Variants in TLE4 observed in about 807,000 individuals in gnomAD.
The protein encoded by TLE4 is TLE family member 4, transcriptional corepressor.
In TLE4, 8 loss-of-function variants were observed where a neutral mutation model predicts 92.8. The ratio of observed to expected loss-of-function variants is 0.09; its 90% CI spans 0.05 to 0.16. The LOEUF (loss-of-function observed/expected upper bound fraction) is 0.16. Ranked by LOEUF, TLE4 falls within the 10% of genes least tolerant of loss-of-function variation. TLE4 has a pLI of 1.00. For synonymous variants in TLE4, 371 were observed against 374.1 expected, an observed-to-expected ratio of 0.99 and a Z score of 0.10; for missense variants, 675 against 997.6, an observed-to-expected ratio of 0.68 and a Z score of 4.36.
In TLE4 at chr9:79,724,069, A is replaced by G. The variant is rs370828269; in HGVS notation, c.2215-968A>G. Among the ~76,000 whole-genome samples, 208 of 152,256 alleles carry G rather than the reference A, an allele frequency of 1.4e-3. 9 individuals are homozygous for G. In the South Asian group the frequency reaches 0.041, roughly 30 times the overall value. On this transcript the variant is annotated intron_variant, in intron 19 of 19. Coordinates refer to ENST00000376552, the MANE Select transcript of TLE4 (RefSeq NM_007005.6). ...AGTTGAATATGGTATACAAAATTCT[A>G]TGGTATGTTTTTAACTGTTGAACCT...
intron 14 of TLE4, among the ~76,000 whole-genome samples, chr9:79,715,362 G>A (rs918129162): frequency 1.3e-5 from 2 of 151,220 alleles, no homozygotes; most frequent in African/African-American, 2.4e-5. Flanking sequence ...CCTTTTTCTC[G>A]GCCATCATCC....
intron 16 of TLE4, 126 bp downstream of exon 16, chr9:79,720,419 T>C (rs1394005202): frequency 2.9e-5 from 33 of 1,124,572 alleles, no homozygotes; most frequent in Non-Finnish European, 3.5e-5. Flanking sequence ...TGTGTGTGTG[T>C]GTGTGTAAAG....
intron 14 of TLE4, among the ~76,000 whole-genome samples, chr9:79,714,845 C>T (rs138939506): frequency 3.8e-4 from 58 of 152,342 alleles, no homozygotes; most frequent in East Asian, 3.3e-3. Flanking sequence ...TAGCCCTTTG[C>T]GCCTCGGTTT....
rs932419890 is a variant in TLE4 at position 79,699,589 on chromosome 9, G to A, written c.610-5194G>A. On this transcript the variant is annotated intron_variant, in intron 8 of 19. Transcript: ENST00000376552. ...GAAAACTGATTTACCCTTTTGTACC[G>A]TGTGGATACGATTTTTGAAGGCCAT... 2.1e-4 allele frequency among the ~76,000 whole-genome samples: 32 copies of A among 152,216 alleles called. No homozygotes were observed. The South Asian group carries it at 4.6e-3, about 22-fold the overall frequency.
intron 4 of TLE4, among the ~76,000 whole-genome samples, chr9:79,585,846 C>T (rs996889439): frequency 2.0e-5 from 3 of 151,858 alleles, no homozygotes; most frequent in African/African-American, 4.8e-5. Context: ...GCATTCCCCC[C>T]GTCCTGTGGA....
intron 8 of TLE4, among the ~76,000 whole-genome samples, chr9:79,690,960 A>G (rs964134675): frequency 1.3e-5 from 2 of 151,436 alleles, no homozygotes; most frequent in Admixed American, 1.3e-4. Flanking sequence ...TACACTAAGA[A>G]CCTGTATCTT....
At chr9:79,575,962 A>T in intron 3 of TLE4, 171 bp from the exon 4 acceptor site, 1 of 425,664 alleles carries the variant, frequency 2.3e-6, no homozygotes, top group Non-Finnish European at 4.2e-6. Context: ...TTGTGTCTTA[A>T]GGTGGTTAAA....
chr9:79,684,816 T>C (rs1328044117), intron 8 of TLE4, among the ~76,000 whole-genome samples: 2 of 152,298 alleles, frequency 1.3e-5, no homozygotes, highest in East Asian at 3.9e-4. Context: ...TACTGTGCCA[T>C]TGGCCAAAGC....
chr9:79,585,275 G>C (rs951220580), intron 4 of TLE4, among the ~76,000 whole-genome samples: 1 of 152,084 alleles, frequency 6.6e-6, no homozygotes, highest in Non-Finnish European at 1.5e-5. Context: ...TCCATTTTAC[G>C]TATGTTGGGG....
chr9:79,652,084 A>G (rs2059100921), intron 6 of TLE4, among the ~76,000 whole-genome samples: 2 of 119,450 alleles, frequency 1.7e-5, no homozygotes, highest in South Asian at 3.5e-4. Context: ...ACCTCCAAGT[A>G]TAAGAAAGGT....
chr9:79,676,708 G>A (rs922756172), intron 8 of TLE4, among the ~76,000 whole-genome samples: 1 of 152,090 alleles, frequency 6.6e-6, no homozygotes, highest in African/African-American at 2.4e-5. Context: ...TATCTATGAC[G>A]TCTGTTCTCT....
rs562471896 is a variant in TLE4, at chr9:79,682,223, A to T, written c.610-22560A>T. Among the ~76,000 whole-genome samples, 11 of 152,144 alleles carry T rather than the reference A, an allele frequency of 7.2e-5. No individual in the cohort carries two copies. The East Asian group carries it at 1.4e-3, about 19-fold the overall frequency. The stretch of plus-strand genomic sequence containing the variant: ...TTCTGAAATCCAGAAAGCTCTGAAA[A>T]CTGAAAGGTTTTTTTTGCATCTCAT... On this transcript the variant is annotated intron_variant, in intron 8 of 19. Coordinates refer to ENST00000376552, the MANE Select transcript of TLE4 (RefSeq NM_007005.6).
intron 8 of TLE4, among the ~76,000 whole-genome samples, chr9:79,688,190 G>T (rs1036569754): frequency 1.1e-4 from 17 of 152,148 alleles, no homozygotes; most frequent in African/African-American, 4.1e-4. Flanking sequence ...ATAAGGACCT[G>T]CCATCTGCAG....
chr9:79,689,061 C>G (rs1449464952), intron 8 of TLE4, among the ~76,000 whole-genome samples: 1 of 149,162 alleles, frequency 6.7e-6, no homozygotes, highest in Non-Finnish European at 1.5e-5. Flanking sequence ...TTAGCTTGAC[C>G]CACTACTCCA....
chr9:79,585,843 C>T (rs2040934417), intron 4 of TLE4, among the ~76,000 whole-genome samples: 1 of 151,788 alleles, frequency 6.6e-6, no homozygotes, highest in South Asian at 2.1e-4. Context: ...AAAGCATTCC[C>T]CCCGTCCTGT....
rs746834772 is a variant in TLE4 at position 79,720,051 on chromosome 9, G to A, written c.1596G>A (p.Arg532=). The A allele has an allele frequency of 6.2e-7, 1 of 1,610,254 alleles. No individual in the cohort carries two copies. The highest frequency in any genetic ancestry group is 1.1e-5 in the South Asian group (1 of 90,930). The change falls in exon 16 of 20, where the codon AGG becomes AGA. Residue 532 remains arginine, a synonymous_variant. Coordinates refer to ENST00000376552, the MANE Select transcript of TLE4 (RefSeq NM_007005.6). The part of the protein sequence containing the change: ...SPVSQLDCLN[R]DNYIRSCRLL... ...GATGGTTTTTGTCTCTACAGAACAG[G>A]GATAACTACATCCGTTCCTGCAGAT...
chr9:79,586,967 T>C (rs1188105767), intron 4 of TLE4, among the ~76,000 whole-genome samples: 1 of 152,234 alleles, frequency 6.6e-6, no homozygotes, highest in African/African-American at 2.4e-5. Flanking sequence ...TTAGAAACTT[T>C]CTAGTTATAC....
At chr9:79,617,968 C>T (rs1215095026) in intron 5 of TLE4, among the ~76,000 whole-genome samples, 2 of 152,196 alleles carry the variant, frequency 1.3e-5, no homozygotes, top group Non-Finnish European at 2.9e-5. Context: ...ATCCTTGCAC[C>T]ATTGTGTCTT....
At chr9:79,654,476 T>C (rs989518421) in intron 8 of TLE4, among the ~76,000 whole-genome samples, 2 of 151,834 alleles carry the variant, frequency 1.3e-5, no homozygotes, top group African/African-American at 2.4e-5. Context: ...ACAAAAATAT[T>C]TGTTTAAGTG....
Sources: gnomAD v4.1 joint callset for allele counts (sites outside exome capture counted in the v4.1 genomes callset) on GRCh38, gnomAD v4.1.1 for gene constraint, MANE v1.5 for transcripts, NCBI Gene and HGNC (gene_info 2026-07-23, HGNC 2026-07-21) for gene names.